Variants in RBFOX2 observed in about 807,000 individuals in gnomAD.
RBFOX2 encodes the protein RNA binding protein fox-1 homolog 2.
Under a neutral mutation model 49.1 loss-of-function variants are expected in RBFOX2, and 10 were observed. The ratio of observed to expected loss-of-function variants is 0.20; its 90% CI spans 0.13 to 0.35. RBFOX2 has a LOEUF of 0.35. RBFOX2 is among the 10% of genes least tolerant of loss of function. The pLI, the probability that RBFOX2 is intolerant of heterozygous loss-of-function variation, is 1.00. For synonymous variants in RBFOX2, 183 were observed against 187.4 expected (o/e 0.98, Z 0.19); for missense variants, 323 against 486.9 (o/e 0.66, Z 3.17).
intron 1 of RBFOX2, among the ~76,000 whole-genome samples, chr22:36,017,723 G>C (rs937170265): frequency 6.6e-6 from 1 of 152,144 alleles, no homozygotes; most frequent in Admixed American, 6.5e-5. Context: ...CAGCGAACTG[G>C]AACAGGTTGG....
rs546289628 is a variant in RBFOX2 at position 35,905,016 on chromosome 22, C to G, written c.-34+33831G>C. On this transcript the variant is annotated intron_variant, in intron 1 of 13. Coordinates refer to the RBFOX2 transcript ENST00000359369. The stretch of plus-strand genomic sequence containing the variant: ...CTAGAACACGGTAATAACCAGGAAG[C>G]AAAAAGGCCCTCTAGGTATCCAGAA... 2.0e-3 allele frequency among the ~76,000 whole-genome samples: 309 copies of G among 152,198 alleles called. 2 individuals are homozygous for G. Among genetic ancestry groups the G allele is most frequent in the African/African-American group, 7.0e-3 (289 of 41,530 alleles).
At chr22:35,851,605 T>C (rs1603410515) in intron 1 of RBFOX2, among the ~76,000 whole-genome samples, 1 of 152,084 alleles carries the variant, frequency 6.6e-6, no homozygotes, top group African/African-American at 2.4e-5. Context: ...GGCAGGGGGA[T>C]CACTTGAGGT....
intron 2 of RBFOX2, among the ~76,000 whole-genome samples, chr22:35,788,467 T>C (rs549801976): frequency 2.0e-5 from 3 of 152,242 alleles, no homozygotes; most frequent in East Asian, 1.9e-4. Context: ...AAAAGCAAAA[T>C]AGGAAATTCA....
intron 1 of RBFOX2, among the ~76,000 whole-genome samples, chr22:35,989,728 C>T (rs116472719): frequency 0.016 from 2,404 of 152,130 alleles, 65 homozygotes; most frequent in African/African-American, 0.055. Flanking sequence ...CGAAAAGTGG[C>T]ACTCAAATTT....
At chr22:36,000,319 T>G (rs986965140) in intron 1 of RBFOX2, 44 of 152,250 alleles carry the variant, frequency 2.9e-4, no homozygotes, top group African/African-American at 1.0e-3. Context: ...GTATTTCTTA[T>G]AACAATGCTA....
intron 1 of RBFOX2, among the ~76,000 whole-genome samples, chr22:35,855,899 C>T (rs546865034): frequency 2.0e-5 from 3 of 151,750 alleles, no homozygotes; most frequent in African/African-American, 7.2e-5. Context: ...CCCAGGTACT[C>T]GGGAGGCTGA....
chr22:35,808,646 A>G (rs926640418), intron 2 of RBFOX2, among the ~76,000 whole-genome samples: 1 of 152,104 alleles, frequency 6.6e-6, no homozygotes, highest in African/African-American at 2.4e-5. Context: ...GGAGTTCAAA[A>G]TAAGCTTGGA....
chr22:35,798,216 C>T (rs914894487), intron 2 of RBFOX2, among the ~76,000 whole-genome samples: 6 of 152,120 alleles, frequency 3.9e-5, no homozygotes, highest in African/African-American at 1.2e-4. Flanking sequence ...CTCAGGTGAT[C>T]CACCTGCCTC....
At chr22:35,939,920 CGAA>C (rs1207759454), upstream of RBFOX2, among the ~76,000 whole-genome samples, 3 of 152,140 alleles carry the variant, frequency 2.0e-5, no homozygotes, top group Non-Finnish European at 2.9e-5. Flanking sequence ...CACGTGCACA[CGAA>C]GGAGTAAATG....
At chr22:35,941,336 C>G (rs1229537903), upstream of RBFOX2, among the ~76,000 whole-genome samples, 10 of 151,950 alleles carry the variant, frequency 6.6e-5, no homozygotes, top group Admixed American at 2.6e-4. Context: ...CAGTACAGTT[C>G]CAGGATGGTG....
intron 1 of RBFOX2, among the ~76,000 whole-genome samples, chr22:35,817,556 T>C (rs1282489348): frequency 4.6e-5 from 7 of 152,114 alleles, no homozygotes. Flanking sequence ...TGGCTATAAA[T>C]GTAAGTTTCC....
At chr22:35,755,301 T>C (rs1246091649) in intron 9 of RBFOX2, among the ~76,000 whole-genome samples, 3 of 152,230 alleles carry the variant, frequency 2.0e-5, no homozygotes, top group Non-Finnish European at 4.4e-5. Context: ...CAAAAACTTG[T>C]ACTTTGTCAA....
intron 1 of RBFOX2, among the ~76,000 whole-genome samples, chr22:35,917,918 G>C (rs1368945193): frequency 1.3e-5 from 2 of 152,220 alleles, no homozygotes; most frequent in African/African-American, 4.8e-5. Flanking sequence ...ACTCCACTGA[G>C]AATGAAGGCT....
chr22:35,886,180 C>T (rs2046556311), intron 1 of RBFOX2, among the ~76,000 whole-genome samples: 1 of 152,054 alleles, frequency 6.6e-6, no homozygotes, highest in Non-Finnish European at 1.5e-5. Context: ...TAGTTGAACA[C>T]TTTGCTACCC....
chr22:35,835,797 T>C (rs1957551765), intron 1 of RBFOX2, among the ~76,000 whole-genome samples: 2 of 152,238 alleles, frequency 1.3e-5, no homozygotes, highest in Non-Finnish European at 2.9e-5. Context: ...TGAAATTCTG[T>C]TTATCTTTTC....
intron 1 of RBFOX2, chr22:35,993,935 C>CA (rs1472104352): frequency 2.6e-5 from 4 of 152,008 alleles, no homozygotes; most frequent in African/African-American, 9.7e-5. Context: ...TGCAGGGAGC[C>CA]AAGATTGCGC....
chr22:35,781,630 G>A (rs1224147652), exon 3 of RBFOX2: 2 of 1,614,036 alleles, frequency 1.2e-6, no homozygotes, highest in African/African-American at 1.3e-5. Flanking sequence ...CAGGGTCCCG[G>A]AAGCGGAAAG....
chr22:35,801,510 A>C lies in RBFOX2; in HGVS notation c.252+8270T>G, dbSNP rs1275519891. Among the ~76,000 whole-genome samples the C allele has an allele frequency of 2.0e-5, 3 of 151,768 alleles. No homozygotes were observed. The East Asian group carries it at 5.8e-4, about 29-fold the overall frequency. On this transcript the variant is annotated intron_variant, in intron 2 of 11. Coordinates refer to ENST00000405409, the Ensembl canonical transcript of RBFOX2. The stretch of plus-strand genomic sequence containing the variant: ...GTAAATAAATGGCTTATGAGCAGTG[A>C]ATTCACCCTCACATTTAAAATGTAC...
intron 1 of RBFOX2, among the ~76,000 whole-genome samples, chr22:35,855,625 T>C (rs1191240285): frequency 6.8e-6 from 1 of 147,272 alleles, no homozygotes; most frequent in Non-Finnish European, 1.5e-5. Flanking sequence ...CCCAGGCTGG[T>C]CTTCAACTCC....
Sources: gnomAD v4.1 joint callset for allele counts (sites outside exome capture counted in the v4.1 genomes callset) on GRCh38, gnomAD v4.1.1 for gene constraint, MANE v1.5 for transcripts, NCBI Gene and HGNC (gene_info 2026-07-23, HGNC 2026-07-21) for gene names.